NOP58: variants seen among roughly 807,000 people sequenced by gnomAD.
The protein encoded by NOP58 is NOP58 ribonucleoprotein, also known as nucleolar protein 58.
In NOP58, 44 loss-of-function variants were observed where a neutral mutation model predicts 71.2. The ratio of observed to expected loss-of-function variants is 0.62; its 90% CI spans 0.49 to 0.79. The LOEUF (loss-of-function observed/expected upper bound fraction) is 0.79. Ranked by LOEUF, NOP58 falls within the 30% of genes least tolerant of loss-of-function variation. NOP58 has a pLI of 0.00. For synonymous variants in NOP58, 228 were observed against 200.3 expected, an observed-to-expected ratio of 1.14 and a Z score of -1.17; for missense variants, 538 against 620.2, an observed-to-expected ratio of 0.87 and a Z score of 1.41.
intron 1 of NOP58, among the ~76,000 whole-genome samples, chr2:202,272,457 A>G (rs955757353): frequency 9.9e-5 from 15 of 152,202 alleles, no homozygotes; most frequent in African/African-American, 3.6e-4. Flanking sequence ...CCCAGCCTGT[A>G]TAAATTTAAT....
At position 202,290,337 on chromosome 2, in the gene NOP58, T is replaced by C; in HGVS notation, c.514T>C (p.Leu172=). 2 of 1,604,128 alleles carry C rather than the reference T, an allele frequency of 1.2e-6. No homozygotes were observed. Among genetic ancestry groups the C allele is most frequent in the Non-Finnish European group, 1.7e-6 (2 of 1,175,188 alleles). ...ATCTACTACAGCCTTGTTAGATGACTTGGATAAAGAACTAAACAACTACAT... is the reference window on the plus strand; with the variant it reads ...ATCTACTACAGCCTTGTTAGATGACCTGGATAAAGAACTAAACAACTACAT... The part of the protein sequence containing the change: ...IVQAISLLDD[L]DKELNNYIMR... Residue 172 remains leucine, a synonymous_variant, in exon 7 of 15, where the codon TTG becomes CTG. Transcript: ENST00000264279.
At chr2:202,272,959 C>G (rs553363834) in intron 1 of NOP58, among the ~76,000 whole-genome samples, 96 of 152,098 alleles carry the variant, frequency 6.3e-4, no homozygotes, top group African/African-American at 1.9e-3. Flanking sequence ...ACGGTGAAAC[C>G]CCATCTCTAC....
intron 6 of NOP58, among the ~76,000 whole-genome samples, chr2:202,289,703 A>C (rs1009620376): frequency 6.6e-6 from 1 of 152,178 alleles, no homozygotes; most frequent in Non-Finnish European, 1.5e-5. Flanking sequence ...TGAAATAGTC[A>C]CAAAATACTG....
Position 202,273,961 on chromosome 2 carries a change from C to T in NOP58, c.46-1152C>T, listed in dbSNP as rs560338519. ...CATCTCAGAAAAAAAAAAAAAAAGCCATTTACTGTGATTCCTAAAAGTATG... is the reference window on the plus strand; with the variant it reads ...CATCTCAGAAAAAAAAAAAAAAAGCTATTTACTGTGATTCCTAAAAGTATG... On this transcript the variant is annotated intron_variant, in intron 1 of 14. Coordinates refer to ENST00000264279, the MANE Select transcript of NOP58 (RefSeq NM_015934.5). Among the ~76,000 whole-genome samples the T allele has an allele frequency of 1.1e-4, 17 of 150,844 alleles. No individual in the cohort carries two copies. The South Asian group carries it at 3.4e-3, about 30-fold the overall frequency.
At chr2:202,281,498 G>GGCAT (rs1377948198) in intron 3 of NOP58, among the ~76,000 whole-genome samples, 1 of 151,980 alleles carries the variant, frequency 6.6e-6, no homozygotes, top group Non-Finnish European at 1.5e-5. Context: ...GGAGTACAGC[G>GGCAT]GCATGATCAT....
At chr2:202,271,860 C>T (rs1282356593) in intron 1 of NOP58, among the ~76,000 whole-genome samples, 2 of 152,156 alleles carry the variant, frequency 1.3e-5, no homozygotes, top group African/African-American at 4.8e-5. Flanking sequence ...AGAAGAATCG[C>T]TTGAGGCCAG....
chr2:202,287,568 TAAAAAC>T (rs1382399983), intron 5 of NOP58, 86 bp from the exon 6 acceptor site: 1 of 986,628 alleles, frequency 1.0e-6, no homozygotes, highest in Non-Finnish European at 1.6e-6. Context: ...CTGATTTGAG[TAAAAAC>T]AAAAACAAAA....
At chr2:202,273,004 G>A (rs1299240771) in intron 1 of NOP58, among the ~76,000 whole-genome samples, 1 of 152,132 alleles carries the variant, frequency 6.6e-6, no homozygotes, top group African/African-American at 2.4e-5. Context: ...TGTGGTGGCA[G>A]GCGCCTGTAG....
chr2:202,293,163 G>T (rs1347324262), intron 9 of NOP58: 2 of 657,038 alleles, frequency 3.0e-6, no homozygotes, highest in South Asian at 1.4e-5. Flanking sequence ...AGTTTGTTAG[G>T]GTTAATTAGA....
Position 202,295,810 on chromosome 2 carries a change from C to T in NOP58, c.1044C>T (p.Gly348=). 1.9e-6 allele frequency: 3 copies of T among 1,589,758 alleles called. No individual in the cohort carries two copies. The highest frequency in any genetic ancestry group is 2.3e-5 in the South Asian group (2 of 86,326). Residue 348 remains glycine, a synonymous_variant, in exon 10 of 15, where the codon GGC becomes GGT. Transcript: ENST00000264279. ...YGLIYHASLV[G]QTSPKHKGKI... ...TCATTTATCATGCTTCACTCGTGGG[C>T]CAGACAAGTCCCAAACACAAAGGAA...
At chr2:202,278,163 A>AT in intron 3 of NOP58, 161 bp downstream of exon 3, 1 of 725,770 alleles carries the variant, frequency 1.4e-6, no homozygotes, top group Non-Finnish European at 2.6e-6. Flanking sequence ...GATCTGACTC[A>AT]TTCGTCACTA....
At chr2:202,303,216 GC>G (rs1409882816) in intron 14 of NOP58, among the ~76,000 whole-genome samples, 159 bp downstream of exon 14, 2 of 152,124 alleles carry the variant, frequency 1.3e-5, no homozygotes, top group Non-Finnish European at 2.9e-5. Flanking sequence ...ATTATAAAAG[GC>G]CATTTCCCAA....
chr2:202,285,230 C>T (rs551447653), intron 5 of NOP58, among the ~76,000 whole-genome samples: 15 of 151,822 alleles, frequency 9.9e-5, no homozygotes, highest in South Asian at 4.2e-4. Flanking sequence ...TTAGTAGAGA[C>T]GGGCTTTCAC....
chr2:202,293,216 A>G (rs181525218), intron 9 of NOP58: 7 of 503,942 alleles, frequency 1.4e-5, no homozygotes, highest in East Asian at 9.7e-5. Flanking sequence ...TAACATTTTC[A>G]TAATAAAAAC....
chr2:202,288,707 C>T (rs1467529366), intron 6 of NOP58, among the ~76,000 whole-genome samples: 2 of 151,782 alleles, frequency 1.3e-5, no homozygotes, highest in Non-Finnish European at 2.9e-5. Context: ...CTCAGCTATT[C>T]AGGAGGCTGA....
chr2:202,297,780 G>C, intron 11 of NOP58, 65 bp from the exon 12 acceptor site: 1 of 995,158 alleles, frequency 1.0e-6, no homozygotes, highest in Non-Finnish European at 1.5e-6. Context: ...TCACTAGACT[G>C]TATAGTGTAT....
intron 6 of NOP58, 150 bp downstream of exon 6, chr2:202,287,874 G>A (rs1024722351): frequency 3.4e-6 from 2 of 582,304 alleles, no homozygotes; most frequent in African/African-American, 3.8e-5. Flanking sequence ...CACTTGGGAG[G>A]CTGAGGCAGG....
chr2:202,277,300 G>A (rs982876935), intron 2 of NOP58, among the ~76,000 whole-genome samples: 3 of 147,680 alleles, frequency 2.0e-5, no homozygotes, highest in Non-Finnish European at 3.0e-5. Context: ...GTGAGACTCT[G>A]TCTCAAAAAA....
At chr2:202,283,709 G>T (rs1688745161) in intron 4 of NOP58, among the ~76,000 whole-genome samples, 1 of 151,984 alleles carries the variant, frequency 6.6e-6, no homozygotes, top group Non-Finnish European at 1.5e-5. Context: ...AAAGTGCTGG[G>T]ATTACAGGCG....
Sources: allele counts gnomAD v4.1 joint callset (sites outside exome capture counted in the v4.1 genomes callset), GRCh38; gene constraint gnomAD v4.1.1; transcripts MANE v1.5; gene names NCBI Gene and HGNC (gene_info 2026-07-23, HGNC 2026-07-21).